PTPRN2: variants seen among roughly 807,000 people sequenced by gnomAD.
PTPRN2 encodes protein tyrosine phosphatase receptor type N2, also known as receptor-type tyrosine-protein phosphatase N2.
In PTPRN2, 74 loss-of-function variants were observed where a neutral mutation model predicts 118.8. That is an observed-to-expected ratio of 0.62 (90% CI 0.52 to 0.76). PTPRN2 has a LOEUF of 0.76. PTPRN2 is among the 30% of genes least tolerant of loss of function. The probability of loss-of-function intolerance (pLI) is 0.00; values close to 1 mark genes in which losing one functional copy is unlikely to be tolerated. For synonymous variants in PTPRN2, 641 were observed against 608.0 expected, an observed-to-expected ratio of 1.05 and a Z score of -0.80; for missense variants, 1,481 against 1,394.4, an observed-to-expected ratio of 1.06 and a Z score of -0.99.
At chr7:158,152,191 A>T (rs112569024) in intron 6 of PTPRN2, among the ~76,000 whole-genome samples, 8 of 145,154 alleles carry the variant, frequency 5.5e-5, no homozygotes, top group Non-Finnish European at 6.1e-5. Context: ...AAAAAAAAAA[A>T]CCATGAATGC....
intron 14 of PTPRN2, among the ~76,000 whole-genome samples, chr7:157,640,511 A>T (rs1464980023): frequency 6.6e-6 from 1 of 152,248 alleles, no homozygotes; most frequent in East Asian, 1.9e-4. Context: ...TTTTAGGATT[A>T]GCTGGAGAAA....
intron 12 of PTPRN2, among the ~76,000 whole-genome samples, chr7:157,732,154 C>T (rs1414583193): frequency 8.2e-5 from 7 of 85,812 alleles, no homozygotes; most frequent in South Asian, 4.5e-4. Flanking sequence ...GCACAGTTAC[C>T]CTTTCCCGTC....
intron 12 of PTPRN2, among the ~76,000 whole-genome samples, chr7:157,873,784 C>T (rs1218014239): frequency 1.3e-5 from 2 of 152,064 alleles, no homozygotes; most frequent in East Asian, 1.9e-4. Context: ...CTGAGGAGAG[C>T]GCAGCACTCG....
At chr7:158,424,071 A>T (rs7779183) in intron 2 of PTPRN2, among the ~76,000 whole-genome samples, 3 of 152,132 alleles carry the variant, frequency 2.0e-5, no homozygotes, top group Non-Finnish European at 4.4e-5. Flanking sequence ...CGGATTCCGG[A>T]ACCTGCTGGA....
intron 12 of PTPRN2, among the ~76,000 whole-genome samples, chr7:157,783,235 T>C (rs1328624304): frequency 6.6e-6 from 1 of 152,080 alleles, no homozygotes; most frequent in Non-Finnish European, 1.5e-5. Flanking sequence ...CAGTCTTGGG[T>C]GTGTCTTTAT....
intron 9 of PTPRN2, among the ~76,000 whole-genome samples, chr7:158,115,465 A>G (rs1816657317): frequency 6.6e-6 from 1 of 152,128 alleles, no homozygotes; most frequent in Admixed American, 6.5e-5. Flanking sequence ...CTATGAACTA[A>G]TTGTGACCCC....
At chr7:157,606,914 G>A (rs1323365264) in intron 15 of PTPRN2, among the ~76,000 whole-genome samples, 3 of 152,180 alleles carry the variant, frequency 2.0e-5, no homozygotes, top group Admixed American at 1.3e-4. Flanking sequence ...CTTCCTTCAG[G>A]TAGGAATGTC....
At chr7:158,071,093 G>C (rs1396621111) in intron 11 of PTPRN2, among the ~76,000 whole-genome samples, 4 of 100,508 alleles carry the variant, frequency 4.0e-5, no homozygotes, top group African/African-American at 4.6e-5. Flanking sequence ...GCCCGTGGTG[G>C]TGGAGGTGCT....
At chr7:158,468,123 A>G (rs752648566) in intron 2 of PTPRN2, among the ~76,000 whole-genome samples, 6 of 152,236 alleles carry the variant, frequency 3.9e-5, no homozygotes, top group Non-Finnish European at 8.8e-5. Flanking sequence ...ATAACAAAAC[A>G]CAGAATATTG....
rs139878006 is a variant in PTPRN2 at position 158,358,207 on chromosome 7, A to G, written c.164-41275T>C. Among the ~76,000 whole-genome samples, 571 of 152,198 alleles carry G rather than the reference A, an allele frequency of 3.8e-3. 5 individuals are homozygous for G. Among genetic ancestry groups the G allele is most frequent in the African/African-American group, 0.013 (550 of 41,530 alleles). The stretch of plus-strand genomic sequence containing the variant: ...CAAACCAACCACAGGGAGACCTGAG[A>G]CGCCCTACGCCCACCTTTCTTCCGG... On this transcript the variant is annotated intron_variant, in intron 2 of 22. Coordinates refer to ENST00000389418, the MANE Select transcript of PTPRN2 (RefSeq NM_002847.5).
chr7:157,802,737 G>A (rs1217542203), intron 12 of PTPRN2, among the ~76,000 whole-genome samples: 5 of 152,154 alleles, frequency 3.3e-5, no homozygotes, highest in South Asian at 2.1e-4. Context: ...ACCAACACAC[G>A]TCTTTTTGGT....
intron 1 of PTPRN2, among the ~76,000 whole-genome samples, chr7:158,559,263 CA>C (rs1420352330): frequency 6.6e-6 from 1 of 152,030 alleles, no homozygotes; most frequent in Non-Finnish European, 1.5e-5. Context: ...TAAAGAGAAG[CA>C]AAAAAGAAGA....
chr7:158,463,765 T>C (rs112912326), intron 2 of PTPRN2, among the ~76,000 whole-genome samples: 1 of 145,386 alleles, frequency 6.9e-6, no homozygotes, highest in African/African-American at 2.5e-5. Flanking sequence ...ATCACCGTCA[T>C]CATCCTTACC....
chr7:158,326,040 G>A (rs1444432068), intron 2 of PTPRN2, among the ~76,000 whole-genome samples: 1 of 152,160 alleles, frequency 6.6e-6, no homozygotes, highest in East Asian at 1.9e-4. Context: ...AACGTTGCAG[G>A]GCTCAGGGCG....
At chr7:158,481,310 A>G (rs182859645) in intron 2 of PTPRN2, among the ~76,000 whole-genome samples, 56 of 152,368 alleles carry the variant, frequency 3.7e-4, no homozygotes, top group Middle Eastern at 3.4e-3. Flanking sequence ...CTGCTCAAAA[A>G]AGATTCCTTT....
At chr7:158,270,766 CCCCGTCCACCTGGACCA>C (rs764363561) in intron 3 of PTPRN2, among the ~76,000 whole-genome samples, 1,664 of 145,160 alleles carry the variant, frequency 0.011, 105 homozygotes, top group African/African-American at 0.018. Flanking sequence ...ACCTGGACCA[CCCCGTCCACCTGGACCA>C]CCCCTCCACC....
Position 157,772,700 on chromosome 7 carries a change from G to A in PTPRN2, c.1789-89763C>T, listed in dbSNP as rs911569341. Reference sequence around the variant, plus strand: ...GAGGCTCTCGGCATTGGGTCTCAGCGTTGGGTCTCTTGGCCGGGTCTGGGG... The same window carrying A: ...GAGGCTCTCGGCATTGGGTCTCAGCATTGGGTCTCTTGGCCGGGTCTGGGG... On this transcript the variant is annotated intron_variant, in intron 12 of 22. Transcript: ENST00000389418. Among the ~76,000 whole-genome samples the A allele has an allele frequency of 7.2e-5, 11 of 152,374 alleles. 1 individual carries two copies. Among genetic ancestry groups the A allele is most frequent in the Admixed American group, 2.6e-4 (4 of 15,312 alleles).
Position 157,764,730 on chromosome 7 carries a change from C to T in PTPRN2, c.1789-81793G>A, listed in dbSNP as rs1356901381. Among the ~76,000 whole-genome samples, 2 of 152,100 alleles carry T rather than the reference C, an allele frequency of 1.3e-5. No individual in the cohort carries two copies. The highest frequency in any genetic ancestry group is 1.9e-4 in the East Asian group (1 of 5,194). ...AAAATCACAAATGTTATATATTTTA[C>T]CACAATAAAAAATTAAAAAATAAAA... On this transcript the variant is annotated intron_variant, in intron 12 of 22. Coordinates refer to ENST00000389418, the MANE Select transcript of PTPRN2 (RefSeq NM_002847.5). The surrounding 1 kb of genome is among the most constrained non-coding windows in gnomAD (Gnocchi z 4.5).
chr7:158,314,733 A>T (rs2151087744), intron 3 of PTPRN2, among the ~76,000 whole-genome samples: 1 of 152,380 alleles, frequency 6.6e-6, no homozygotes, highest in South Asian at 2.1e-4. Context: ...CTTTGGGCTC[A>T]GGTGACTTGG....
Sources: allele counts gnomAD v4.1 joint callset (sites outside exome capture counted in the v4.1 genomes callset), GRCh38; gene constraint gnomAD v4.1.1; non-coding constraint Gnocchi (gnomAD v3.1); transcripts MANE v1.5; gene names NCBI Gene and HGNC (gene_info 2026-07-23, HGNC 2026-07-21).